PARD3B: variants seen among roughly 807,000 people sequenced by gnomAD.
PARD3B encodes the protein partitioning defective 3 homolog B.
Under a neutral mutation model 130.2 loss-of-function variants are expected in PARD3B, and 103 were observed. The observed-to-expected ratio is 0.79, with a 90% CI of 0.67 to 0.93. PARD3B has a LOEUF of 0.93. Among genes scored for constraint, PARD3B ranks in the 40% least tolerant of loss-of-function variants. The pLI is 0.00. For missense variants in PARD3B, 1,609 were observed against 1,499.2 expected, an observed-to-expected ratio of 1.07 and a Z score of -1.21; for synonymous variants, 583 against 553.2, an observed-to-expected ratio of 1.05 and a Z score of -0.76.
chr2:205,121,623 C>T lies in PARD3B; in HGVS notation c.839C>T (p.Ser280Phe). The change falls in exon 8 of 23, where the codon TCT becomes TTT. Residue 280 changes from serine to phenylalanine, a missense_variant. Transcript: ENST00000406610. This position sits in a 1 kb window ranked among gnomAD's most constrained non-coding sequence, Gnocchi z 5.0. The part of the protein sequence containing the change: ...AQDVFRQAMK[S>F]PSVLLHVLPP... ...GATGTCTTCCGCCAGGCAATGAAAT[C>T]TCCAAGTGTGCTCCTCCACGTGCTT... The T allele has an allele frequency of 1.2e-6, 2 of 1,613,986 alleles. No individual in the cohort carries two copies. The highest frequency in any genetic ancestry group is 1.7e-6 in the Non-Finnish European group (2 of 1,179,864).
At chr2:204,592,619 T>C (rs2033124825) in intron 1 of PARD3B, among the ~76,000 whole-genome samples, 1 of 152,228 alleles carries the variant, frequency 6.6e-6, no homozygotes, top group Admixed American at 6.5e-5. Context: ...GCTTTATTGG[T>C]GTATAATTCA....
At chr2:204,695,003 G>T (rs1477985798) in intron 2 of PARD3B, among the ~76,000 whole-genome samples, 1 of 152,006 alleles carries the variant, frequency 6.6e-6, no homozygotes, top group Non-Finnish European at 1.5e-5. Flanking sequence ...ATAAGAAAAT[G>T]TTTGATATGT....
intron 21 of PARD3B, among the ~76,000 whole-genome samples, chr2:205,512,383 A>G (rs1272274060): frequency 2.0e-5 from 3 of 152,168 alleles, no homozygotes; most frequent in African/African-American, 7.2e-5. Flanking sequence ...CCACTGAGAA[A>G]TAGTCTCTTT....
At chr2:204,688,444 G>A (rs1458834677) in intron 2 of PARD3B, among the ~76,000 whole-genome samples, 1 of 151,796 alleles carries the variant, frequency 6.6e-6, no homozygotes, top group Non-Finnish European at 1.5e-5. Context: ...CACAGGAGTG[G>A]TGGCATGCAC....
intron 1 of PARD3B, among the ~76,000 whole-genome samples, chr2:204,617,041 A>G (rs2034137655): frequency 6.6e-6 from 1 of 152,104 alleles, no homozygotes; most frequent in Non-Finnish European, 1.5e-5. Context: ...ACCCATGCCA[A>G]AGTTTTTTCT....
chr2:204,724,085 A>G (rs909571997), intron 2 of PARD3B, among the ~76,000 whole-genome samples: 2 of 152,152 alleles, frequency 1.3e-5, no homozygotes, highest in African/African-American at 4.8e-5. Flanking sequence ...GAAATTCCAT[A>G]TGCACAGCTT....
chr2:205,184,570 A>C (rs915833574), intron 13 of PARD3B, among the ~76,000 whole-genome samples: 1 of 151,942 alleles, frequency 6.6e-6, no homozygotes, highest in Non-Finnish European at 1.5e-5. Context: ...GTGAAACCCC[A>C]TCTCTACTAA....
chr2:204,765,531 G>T (rs2041107415), intron 2 of PARD3B, among the ~76,000 whole-genome samples: 1 of 152,078 alleles, frequency 6.6e-6, no homozygotes, highest in South Asian at 2.1e-4. Context: ...TGTGTTATTT[G>T]ACTTTCTTCC....
rs972891025 is a variant in PARD3B at position 205,589,246 on chromosome 2, G to A, written c.3261-26210G>A. ...GAGGCAGCTGTAGTAAGCTGTGATC[G>A]CACCACTGCCCTGCAGCCTGGGTGG... On this transcript the variant is annotated intron_variant, in intron 22 of 22. Coordinates refer to ENST00000406610, the MANE Select transcript of PARD3B (RefSeq NM_001302769.2). This position sits in a 1 kb window ranked among gnomAD's most constrained non-coding sequence, Gnocchi z 4.1. Among the ~76,000 whole-genome samples the A allele has an allele frequency of 2.0e-5, 3 of 152,164 alleles. No individual in the cohort carries two copies. Among genetic ancestry groups the A allele is most frequent in the African/African-American group, 4.8e-5 (2 of 41,436 alleles).
At chr2:204,833,589 G>A (rs2043912487) in intron 2 of PARD3B, among the ~76,000 whole-genome samples, 1 of 152,062 alleles carries the variant, frequency 6.6e-6, no homozygotes, top group Non-Finnish European at 1.5e-5. Context: ...GGTCTTTCCT[G>A]TGCTGTTCTC....
chr2:204,772,558 A>G (rs2041432835), intron 2 of PARD3B, among the ~76,000 whole-genome samples: 1 of 152,158 alleles, frequency 6.6e-6, no homozygotes, highest in Non-Finnish European at 1.5e-5. Context: ...TAATGTAAAG[A>G]AAGTAGAACA....
chr2:204,927,922 T>TAGA (rs1687751237), intron 2 of PARD3B, among the ~76,000 whole-genome samples: 1 of 152,140 alleles, frequency 6.6e-6, no homozygotes, highest in African/African-American at 2.4e-5. Flanking sequence ...AGCTTGTATC[T>TAGA]AGAAGAAAAA....
chr2:205,535,886 G>T (rs2051831032), intron 21 of PARD3B, among the ~76,000 whole-genome samples: 1 of 152,150 alleles, frequency 6.6e-6, no homozygotes, highest in South Asian at 2.1e-4. Context: ...TACTAGTAGA[G>T]AATTGTACCC....
chr2:204,995,073 C>G (rs1694041276), intron 3 of PARD3B, among the ~76,000 whole-genome samples: 1 of 151,658 alleles, frequency 6.6e-6, no homozygotes, highest in African/African-American at 2.4e-5. Flanking sequence ...GAATTTAGTT[C>G]ATTTATATTT....
Position 205,165,047 on chromosome 2 carries a change from AATAAG to A in PARD3B, c.1620+6146_1620+6150del, listed in dbSNP as rs139180620. 1.2e-3 allele frequency among the ~76,000 whole-genome samples: 180 copies of A among 152,310 alleles called. 5 individuals are homozygous for A. In the East Asian group the frequency reaches 0.029, roughly 25 times the overall value. ...AAAAACCACCACCAAGAAGTAAATC[AATAAG>A]ATAAGTATGTTGAAATGGCTTCCGA... On this transcript the variant is annotated intron_variant, in intron 11 of 22. Coordinates refer to ENST00000406610, the MANE Select transcript of PARD3B (RefSeq NM_001302769.2).
intron 19 of PARD3B, among the ~76,000 whole-genome samples, chr2:205,406,635 A>G (rs930434380): frequency 6.7e-6 from 1 of 148,576 alleles, no homozygotes; most frequent in East Asian, 2.0e-4. Context: ...TAAGCCACAT[A>G]GCACCTAAAA....
At chr2:204,660,566 A>G (rs1376210902) in intron 1 of PARD3B, among the ~76,000 whole-genome samples, 2 of 152,186 alleles carry the variant, frequency 1.3e-5, no homozygotes, top group African/African-American at 4.8e-5. Flanking sequence ...CAGATAATGT[A>G]TAATAAATCA....
chr2:204,866,043 C>T (rs942051393), intron 2 of PARD3B, among the ~76,000 whole-genome samples: 2 of 152,164 alleles, frequency 1.3e-5, no homozygotes, highest in Non-Finnish European at 2.9e-5. Flanking sequence ...CATTGTGTAC[C>T]TTCACTGAGG....
At chr2:204,628,643 A>C (rs2034568108) in intron 1 of PARD3B, among the ~76,000 whole-genome samples, 1 of 152,182 alleles carries the variant, frequency 6.6e-6, no homozygotes, top group African/African-American at 2.4e-5. Flanking sequence ...AAAGTTGAAC[A>C]TACATAAAAA....
Sources: gnomAD v4.1 joint callset for allele counts (sites outside exome capture counted in the v4.1 genomes callset) on GRCh38, gnomAD v4.1.1 for gene constraint, Gnocchi (gnomAD v3.1) non-coding constraint, MANE v1.5 for transcripts, NCBI Gene and HGNC (gene_info 2026-07-23, HGNC 2026-07-21) for gene names.